Variants in CPA6 observed in about 807,000 individuals in gnomAD.
The protein encoded by CPA6 is carboxypeptidase A6, also known as carboxypeptidase B.
CPA6 carries 58 observed loss-of-function variants against 63.3 expected under a neutral mutation model. The observed-to-expected ratio is 0.92, with a 90% confidence interval of 0.74 to 1.14. The LOEUF (loss-of-function observed/expected upper bound fraction) is 1.14. Ranked by LOEUF, CPA6 falls within the 50% of genes most tolerant of loss-of-function variation. CPA6 has a pLI of 0.00. For synonymous variants in CPA6, 185 were observed against 179.0 expected (o/e 1.03, Z -0.27); for missense variants, 565 against 526.6 (o/e 1.07, Z -0.71).
chr8:67,738,742 C>T (rs1817859498), intron 1 of CPA6, among the ~76,000 whole-genome samples: 1 of 128,136 alleles, frequency 7.8e-6, no homozygotes, highest in Non-Finnish European at 1.7e-5. Context: ...GGAACAAGAT[C>T]CTAAAGCTTT....
intron 1 of CPA6, among the ~76,000 whole-genome samples, chr8:67,647,157 A>G (rs1815730415): frequency 6.6e-6 from 1 of 152,110 alleles, no homozygotes; most frequent in Non-Finnish European, 1.5e-5. Flanking sequence ...GGGAGAACCA[A>G]CAGGGTCCAC....
At chr8:67,651,106 T>A (rs1045389714) in intron 1 of CPA6, among the ~76,000 whole-genome samples, 1 of 152,178 alleles carries the variant, frequency 6.6e-6, no homozygotes, top group Non-Finnish European at 1.5e-5. Flanking sequence ...CTTTTCCTTG[T>A]CTCCCCATAA....
At chr8:67,496,522 TATATA>T (rs1563976121) in intron 6 of CPA6, among the ~76,000 whole-genome samples, 18 of 15,654 alleles carry the variant, frequency 1.1e-3, no homozygotes, top group East Asian at 4.9e-3. Flanking sequence ...ATATAGTTTA[TATATA>T]TATATATATA....
rs552041509 is a variant in CPA6 at position 67,455,663 on chromosome 8, C to CAAAAAAAAAAAAAA, written c.839-21437_839-21424dup. On this transcript the variant is annotated intron_variant, in intron 8 of 10. Transcript: ENST00000297770. The stretch of plus-strand genomic sequence containing the variant: ...TAGTGAAGCCCCTTCTCTACAAAAG[C>CAAAAAAAAAAAAAA]AAAAAAAAAAAAAAAAAAAAAAAAA... Among the ~76,000 whole-genome samples, 16 of 30,250 alleles carry CAAAAAAAAAAAAAA rather than the reference C, an allele frequency of 5.3e-4. 1 individual carries two copies. The highest frequency in any genetic ancestry group is 1.3e-3 in the East Asian group (1 of 772). 19.8% of individuals were successfully genotyped at this position (30,250 alleles called of 152,430 possible).
chr8:67,578,231 C>G (rs1047926566), intron 2 of CPA6, among the ~76,000 whole-genome samples: 2 of 152,124 alleles, frequency 1.3e-5, no homozygotes, highest in Non-Finnish European at 2.9e-5. Context: ...AGAAGGACAC[C>G]ACTTTTCTGT....
chr8:67,427,795 C>A (rs1809927121), intron 10 of CPA6, among the ~76,000 whole-genome samples: 4 of 152,150 alleles, frequency 2.6e-5, no homozygotes, highest in Admixed American at 2.6e-4. Context: ...CATAAGCTCT[C>A]AAATGAGCTT....
chr8:67,556,595 G>A (rs1438999392), intron 2 of CPA6, among the ~76,000 whole-genome samples: 1 of 152,186 alleles, frequency 6.6e-6, no homozygotes. Context: ...AAGTGGATGG[G>A]AATTCTGGGA....
chr8:67,539,690 C>T (rs913933128), intron 2 of CPA6, among the ~76,000 whole-genome samples: 5 of 152,022 alleles, frequency 3.3e-5, no homozygotes, highest in Non-Finnish European at 5.9e-5. Context: ...AGGCTTTGTT[C>T]GTTCTTTTTC....
intron 2 of CPA6, among the ~76,000 whole-genome samples, chr8:67,612,242 C>T (rs1161247134): frequency 6.6e-6 from 1 of 152,136 alleles, no homozygotes; most frequent in African/African-American, 2.4e-5. Flanking sequence ...GTTTATCTTC[C>T]CACCTGTTCT....
At chr8:67,551,422 A>G (rs778220390) in intron 2 of CPA6, among the ~76,000 whole-genome samples, 2 of 152,212 alleles carry the variant, frequency 1.3e-5, no homozygotes, top group Non-Finnish European at 2.9e-5. Context: ...TGGCCACAGT[A>G]GCCTTATAGT....
intron 6 of CPA6, among the ~76,000 whole-genome samples, chr8:67,494,452 A>G (rs1811668551): frequency 6.6e-6 from 1 of 152,128 alleles, no homozygotes; most frequent in South Asian, 2.1e-4. Context: ...TTGAGGAAAA[A>G]AACTGGAGTG....
rs1328849864 is a variant in CPA6 at position 67,746,228 on chromosome 8, G to C, written c.-99C>G. On this transcript the variant is annotated 5_prime_UTR_variant, in exon 1 of 11. Transcript: ENST00000297770. ...ACACACCGCACAGGTTCTCCGGGAA[G>C]GGGGTGGGCGAGGAAGGTTGAGAGT... is the stretch of plus-strand genomic sequence containing the variant. 8 of 756,360 alleles carry C rather than the reference G, an allele frequency of 1.1e-5. No homozygotes were observed. Among genetic ancestry groups the C allele is most frequent in the East Asian group, 8.3e-5 (3 of 36,046 alleles). The allele number at this position is 756,360 out of a possible 1,614,324, so 46.9% of individuals were successfully genotyped here.
At chr8:67,644,813 G>C (rs1382175802) in intron 1 of CPA6, among the ~76,000 whole-genome samples, 2 of 152,160 alleles carry the variant, frequency 1.3e-5, no homozygotes, top group African/African-American at 4.8e-5. Flanking sequence ...TTAAGCTGTG[G>C]TACTCACACC....
At chr8:67,454,243 CT>C (rs1380570194) in intron 8 of CPA6, among the ~76,000 whole-genome samples, 1 of 152,176 alleles carries the variant, frequency 6.6e-6, no homozygotes, top group Non-Finnish European at 1.5e-5. Context: ...TATTTATAGC[CT>C]TTTTGGGGCA....
At chr8:67,624,685 A>G (rs1815157863) in intron 1 of CPA6, among the ~76,000 whole-genome samples, 1 of 152,168 alleles carries the variant, frequency 6.6e-6, no homozygotes, top group African/African-American at 2.4e-5. Context: ...CACTAGGGAA[A>G]GCTTCTGGTT....
At chr8:67,514,205 G>A (rs947533330) in intron 3 of CPA6, among the ~76,000 whole-genome samples, 1 of 152,012 alleles carries the variant, frequency 6.6e-6, no homozygotes, top group Non-Finnish European at 1.5e-5. Context: ...TAATCCACCC[G>A]CCTTAGCCTC....
intron 1 of CPA6, among the ~76,000 whole-genome samples, chr8:67,722,447 G>A (rs1653709350): frequency 1.3e-5 from 2 of 152,196 alleles, no homozygotes; most frequent in South Asian, 4.1e-4. Flanking sequence ...AGCTTTGAGA[G>A]CCGCTCATTT....
At chr8:67,564,395 C>G (rs953296168) in intron 2 of CPA6, among the ~76,000 whole-genome samples, 2 of 151,108 alleles carry the variant, frequency 1.3e-5, no homozygotes, top group African/African-American at 4.9e-5. Context: ...GCAAGCTGAG[C>G]AGCGACGATT....
intron 2 of CPA6, among the ~76,000 whole-genome samples, chr8:67,575,461 T>C (rs1191671039): frequency 2.0e-5 from 3 of 152,206 alleles, no homozygotes; most frequent in Admixed American, 6.5e-5. Flanking sequence ...CTATTCACAA[T>C]AGTCAAGATA....
Sources: gnomAD v4.1 joint callset for allele counts (sites outside exome capture counted in the v4.1 genomes callset) on GRCh38, gnomAD v4.1.1 for gene constraint, MANE v1.5 for transcripts, NCBI Gene and HGNC (gene_info 2026-07-23, HGNC 2026-07-21) for gene names.